EXOC6B: variants seen among roughly 807,000 people sequenced by gnomAD.
EXOC6B encodes the protein SEC15 homolog B.
A neutral mutation model predicts 113.5 loss-of-function variants in EXOC6B; 54 were observed. The ratio of observed to expected loss-of-function variants is 0.48; its 90% CI spans 0.38 to 0.60. The LOEUF is 0.60. Among genes scored for constraint, EXOC6B ranks in the 20% least tolerant of loss-of-function variants. EXOC6B has a pLI of 0.00. For missense variants in EXOC6B, 797 were observed against 977.5 expected, an observed-to-expected ratio of 0.82 and a Z score of 2.46; for synonymous variants, 357 against 339.0, an observed-to-expected ratio of 1.05 and a Z score of -0.58.
chr2:72,685,405 G>C (rs1292690572), intron 6 of EXOC6B, among the ~76,000 whole-genome samples: 1 of 152,162 alleles, frequency 6.6e-6, no homozygotes, highest in African/African-American at 2.4e-5. Context: ...GGGGTCAAAA[G>C]TGGTAAATTA....
chr2:72,222,405 T>C (rs1398810165), intron 20 of EXOC6B, among the ~76,000 whole-genome samples: 2 of 152,226 alleles, frequency 1.3e-5, no homozygotes, highest in Non-Finnish European at 2.9e-5. Context: ...AATGATTATA[T>C]TTTTATAGGC....
At chr2:72,677,412 G>A (rs965652750) in intron 6 of EXOC6B, among the ~76,000 whole-genome samples, 2 of 151,984 alleles carry the variant, frequency 1.3e-5, no homozygotes, top group Admixed American at 6.6e-5. Context: ...GGTATAATAA[G>A]TATCAGCAAA....
chr2:72,481,536 AAC>A (rs1699094049), intron 16 of EXOC6B, among the ~76,000 whole-genome samples: 1 of 152,240 alleles, frequency 6.6e-6, no homozygotes. Context: ...AGGCATGATG[AAC>A]AGAGATGTTA....
intron 15 of EXOC6B, 30 bp downstream of exon 15, chr2:72,495,400 T>C (rs1404178517): frequency 8.4e-7 from 1 of 1,189,866 alleles, no homozygotes; most frequent in Non-Finnish European, 1.2e-6. Flanking sequence ...ATCTTAGCAT[T>C]GGTTACATTT....
chr2:72,382,716 T>TTATACTGCTCATTA (rs1691762877), intron 18 of EXOC6B, among the ~76,000 whole-genome samples: 1 of 152,176 alleles, frequency 6.6e-6, no homozygotes, highest in African/African-American at 2.4e-5. Flanking sequence ...AGCAGTGTTT[T>TTATACTGCTCATTA]TATACTTCTC....
intron 6 of EXOC6B, among the ~76,000 whole-genome samples, chr2:72,671,772 A>C (rs1335469872): frequency 2.9e-5 from 3 of 104,924 alleles, no homozygotes; most frequent in African/African-American, 1.4e-4. Flanking sequence ...AGAAAGAAAG[A>C]AAGAAAGAAA....
At chr2:72,473,738 A>G (rs2105457786) in intron 17 of EXOC6B, among the ~76,000 whole-genome samples, 1 of 152,090 alleles carries the variant, frequency 6.6e-6, no homozygotes, top group Admixed American at 6.5e-5. Flanking sequence ...TATTTTGTGT[A>G]TTCTTTGTTC....
At chr2:72,568,641 T>C (rs1704335148) in intron 7 of EXOC6B, among the ~76,000 whole-genome samples, 1 of 151,998 alleles carries the variant, frequency 6.6e-6, no homozygotes, top group Non-Finnish European at 1.5e-5. Flanking sequence ...GAAGCGTATA[T>C]GGATACCATA....
intron 6 of EXOC6B, among the ~76,000 whole-genome samples, chr2:72,625,913 T>C (rs1672022783): frequency 6.6e-6 from 1 of 152,196 alleles, no homozygotes; most frequent in Non-Finnish European, 1.5e-5. Context: ...CTATTACTTT[T>C]ACATGGTTTC....
chr2:72,591,695 C>T (rs1436467128), intron 6 of EXOC6B, among the ~76,000 whole-genome samples: 2 of 152,106 alleles, frequency 1.3e-5, no homozygotes, highest in Non-Finnish European at 2.9e-5. Flanking sequence ...CCTATACATC[C>T]TCCTAATGAA....
At chr2:72,762,732 T>C (rs1259124813) in intron 1 of EXOC6B, among the ~76,000 whole-genome samples, 4 of 151,868 alleles carry the variant, frequency 2.6e-5, no homozygotes, top group Non-Finnish European at 5.9e-5. Context: ...GCAAATAAAC[T>C]GGTAAATATA....
intron 1 of EXOC6B, among the ~76,000 whole-genome samples, chr2:72,778,348 G>C (rs1285385025): frequency 6.6e-6 from 1 of 152,114 alleles, no homozygotes; most frequent in Admixed American, 6.5e-5. Flanking sequence ...AACCAAAGGA[G>C]AGCTAAAACT....
intron 21 of EXOC6B, among the ~76,000 whole-genome samples, chr2:72,179,943 A>C (rs1677981339): frequency 6.6e-6 from 1 of 152,244 alleles, no homozygotes; most frequent in Non-Finnish European, 1.5e-5. Flanking sequence ...GAACATGAAT[A>C]ACTGAAGGCC....
chr2:72,568,787 G>T (rs1704346958), intron 7 of EXOC6B, among the ~76,000 whole-genome samples: 1 of 151,904 alleles, frequency 6.6e-6, no homozygotes, highest in African/African-American at 2.4e-5. Flanking sequence ...GAAGAAGGGG[G>T]TAAAGGATTA....
intron 1 of EXOC6B, among the ~76,000 whole-genome samples, chr2:72,818,396 C>T (rs1218635086): frequency 2.7e-5 from 4 of 149,324 alleles, no homozygotes; most frequent in African/African-American, 4.9e-5. Context: ...CTCCTGACCT[C>T]GTGATCCGCC....
At chr2:72,402,695 T>A (rs1693418494) in intron 18 of EXOC6B, among the ~76,000 whole-genome samples, 1 of 152,190 alleles carries the variant, frequency 6.6e-6, no homozygotes, top group Non-Finnish European at 1.5e-5. Context: ...CCTGTTTTGT[T>A]GTATATTGTG....
rs115522127 is a variant in EXOC6B at position 72,535,727 on chromosome 2, G to A, written c.916-20601C>T. On this transcript the variant is annotated intron_variant, in intron 8 of 21. Coordinates refer to ENST00000272427, the MANE Select transcript of EXOC6B (RefSeq NM_015189.3). ...CATCTCTACTTATACAAAATTGGCCGGGTATGGTGACGCATGTCTGTAATC... is the reference window on the plus strand; with the variant it reads ...CATCTCTACTTATACAAAATTGGCCAGGTATGGTGACGCATGTCTGTAATC... Among the ~76,000 whole-genome samples the A allele has an allele frequency of 1.9e-3, 292 of 151,882 alleles. 2 individuals carry two copies. The highest frequency in any genetic ancestry group is 6.7e-3 in the African/African-American group (278 of 41,424).
chr2:72,767,831 A>AAAAAAAAAAAAAAAAAAAAC (rs1204403797), intron 1 of EXOC6B, among the ~76,000 whole-genome samples: 1 of 142,946 alleles, frequency 7.0e-6, no homozygotes, highest in Non-Finnish European at 1.5e-5. Flanking sequence ...AAAAAAAAAA[A>AAAAAAAAAAAAAAAAAAAAC]AAGACCAAGT....
At position 72,669,713 on chromosome 2, in the gene EXOC6B, G is replaced by A. The variant is rs543729077; in HGVS notation, c.669+48390C>T. Reference sequence around the variant, plus strand: ...TGTGTTGCGGGAAAGCATGTGTTGAGAAACGCGTGGAAGTTGTTTTATCAC... The same window carrying A: ...TGTGTTGCGGGAAAGCATGTGTTGAAAAACGCGTGGAAGTTGTTTTATCAC... On this transcript the variant is annotated intron_variant, in intron 6 of 21. Coordinates refer to ENST00000272427, the MANE Select transcript of EXOC6B (RefSeq NM_015189.3). Among the ~76,000 whole-genome samples, 8 of 152,334 alleles carry A rather than the reference G, an allele frequency of 5.3e-5. 1 individual carries two copies. The highest frequency in any genetic ancestry group is 1.9e-4 in the African/African-American group (8 of 41,572).
Sources: allele counts gnomAD v4.1 joint callset (sites outside exome capture counted in the v4.1 genomes callset), GRCh38; gene constraint gnomAD v4.1.1; transcripts MANE v1.5; gene names NCBI Gene and HGNC (gene_info 2026-07-23, HGNC 2026-07-21).